The following MAP3K20 variants were observed in gnomAD, a reference collection of about 807,000 sequenced individuals.
The protein encoded by MAP3K20 is mitogen-activated protein kinase kinase kinase 20.
A neutral mutation model predicts 85.7 loss-of-function variants in MAP3K20; 40 were observed. The ratio of observed to expected loss-of-function variants is 0.47; its 90% confidence interval spans 0.36 to 0.61. The LOEUF is 0.61. Ranked by LOEUF, MAP3K20 falls within the 20% of genes least tolerant of loss-of-function variation. The pLI is 0.00. For synonymous variants in MAP3K20, 325 were observed against 327.7 expected, an observed-to-expected ratio of 0.99 and a Z score of 0.09; for missense variants, 817 against 961.7, an observed-to-expected ratio of 0.85 and a Z score of 1.99.
chr2:173,262,354 CT>C (rs1169928073), intron 18 of MAP3K20, among the ~76,000 whole-genome samples: 1 of 152,182 alleles, frequency 6.6e-6, no homozygotes, highest in East Asian at 1.9e-4. Flanking sequence ...AACCCCAGCA[CT>C]TTGGGAGGCC....
Position 173,258,767 on chromosome 2 carries a change from G to A in MAP3K20, c.1428G>A (p.Val476=). ...DEIAITYIKD[V]TFNTNLPDAE... ...TTGCAATAACCTACATAAAAGATGT[G>A]ACATTCAACACTAACCTACCTGATG... The change falls in exon 17 of 20, where the codon GTG becomes GTA. Residue 476 remains valine (V), a synonymous_variant. Coordinates refer to ENST00000375213, the MANE Select transcript of MAP3K20 (RefSeq NM_016653.3). 6.2e-7 allele frequency: 1 copy of A among 1,613,210 alleles called. No individual in the cohort carries two copies. The highest frequency in any genetic ancestry group is 8.5e-7 in the Non-Finnish European group (1 of 1,179,356).
chr2:173,241,303 T>C (rs1048932671), intron 16 of MAP3K20, among the ~76,000 whole-genome samples: 4 of 152,228 alleles, frequency 2.6e-5, no homozygotes, highest in Admixed American at 1.3e-4. Context: ...TTATTACATA[T>C]TATATGCTTG....
intron 2 of MAP3K20, among the ~76,000 whole-genome samples, chr2:173,162,515 A>G (rs1431708604): frequency 6.6e-6 from 1 of 151,950 alleles, no homozygotes; most frequent in Non-Finnish European, 1.5e-5. Context: ...GTGAAACCTC[A>G]TCTGTACTAA....
intron 2 of MAP3K20, among the ~76,000 whole-genome samples, chr2:173,111,278 GTT>G (rs1395690530): frequency 6.6e-6 from 1 of 151,798 alleles, no homozygotes; most frequent in Admixed American, 6.6e-5. Context: ...TTATGGGATT[GTT>G]TTTTTCTTAT....
At position 173,238,435 on chromosome 2, in the gene MAP3K20, G is replaced by C. The variant is rs749417877; in HGVS notation, c.1266G>C (p.Lys422Asn). Residue 422 changes from lysine (K) to asparagine (N), a missense_variant and splice_region_variant, in exon 15 of 20, where the codon AAG (lysine) becomes AAC (asparagine). Transcript: ENST00000375213. The stretch of plus-strand genomic sequence containing the variant: ...TGTTTCACTTCCCACCACTAATTAA[G>C]GTAAGTAAGGTTTTTCTTACCGACA... Reference protein sequence around the residue: ...INLFHFPPLIKDSGGEPEENE... With the variant: ...INLFHFPPLINDSGGEPEENE... The C allele has an allele frequency of 6.2e-7, 1 of 1,610,130 alleles. No homozygotes were observed. The highest frequency in any genetic ancestry group is 1.3e-5 in the African/African-American group (1 of 74,890).
At chr2:173,213,843 ACT>A (rs1238529081) in intron 10 of MAP3K20, among the ~76,000 whole-genome samples, 2 of 152,226 alleles carry the variant, frequency 1.3e-5, no homozygotes, top group Admixed American at 1.3e-4. Flanking sequence ...AAGGTGTCTA[ACT>A]CAATATGTAA....
rs151330985 is a variant in MAP3K20 at position 173,191,422 on chromosome 2, G to A, written c.582+245G>A. On this transcript the variant is annotated intron_variant, in intron 7 of 19. Coordinates refer to ENST00000375213, the MANE Select transcript of MAP3K20 (RefSeq NM_016653.3). ...ACCACTTCCAAGAAACAAATTAAAT[G>A]GAATCCGAGATAGTGTTGGGCTCCG... 3.2e-3 allele frequency among the ~76,000 whole-genome samples: 492 copies of A among 152,276 alleles called. 1 individual carries two copies. Among genetic ancestry groups the A allele is most frequent in the African/African-American group, 0.011 (466 of 41,566 alleles).
chr2:173,119,755 A>G (rs888779392), intron 2 of MAP3K20, among the ~76,000 whole-genome samples: 11 of 152,234 alleles, frequency 7.2e-5, no homozygotes, highest in African/African-American at 2.4e-4. Context: ...GATGAAGGTC[A>G]GCTGCCCTTT....
chr2:173,240,112 T>C lies in MAP3K20; in HGVS notation c.1359+616T>C, dbSNP rs375873425. Among the ~76,000 whole-genome samples the C allele has an allele frequency of 1.9e-3, 294 of 152,336 alleles. 4 individuals are homozygous for C. In the South Asian group the frequency reaches 0.051, roughly 27 times the overall value. ...CACTTATTGTGTACCAGGCATACAG[T>C]ACTGAAGTGTGAAAACTACTTTCCC... On this transcript the variant is annotated intron_variant, in intron 16 of 19. Transcript: ENST00000375213.
At chr2:173,115,332 TC>T (rs888507785) in intron 2 of MAP3K20, among the ~76,000 whole-genome samples, 52 of 152,352 alleles carry the variant, frequency 3.4e-4, no homozygotes, top group African/African-American at 1.2e-3. Flanking sequence ...AGTTTGGACT[TC>T]CTTGCATTGG....
At chr2:173,091,850 A>G (rs1445146009) in intron 2 of MAP3K20, among the ~76,000 whole-genome samples, 1 of 152,202 alleles carries the variant, frequency 6.6e-6, no homozygotes, top group Non-Finnish European at 1.5e-5. Flanking sequence ...ATGAGATATA[A>G]CATGGTTGTC....
intron 16 of MAP3K20, among the ~76,000 whole-genome samples, chr2:173,257,106 G>C (rs1167215582): frequency 6.6e-6 from 1 of 152,190 alleles, no homozygotes; most frequent in Admixed American, 6.5e-5. Flanking sequence ...CAAGACTGCA[G>C]TGAGCAGAGA....
intron 11 of MAP3K20, chr2:173,226,368 T>G (rs1684388790): frequency 1.0e-6 from 1 of 984,846 alleles, no homozygotes; most frequent in South Asian, 4.7e-5. Context: ...ATTGCAGCCT[T>G]TTGAAAGTAG....
intron 2 of MAP3K20, among the ~76,000 whole-genome samples, chr2:173,117,537 C>G (rs1348065287): frequency 6.6e-6 from 1 of 152,200 alleles, no homozygotes; most frequent in African/African-American, 2.4e-5. Context: ...GCCTTGACCT[C>G]CCAAATTGTT....
In MAP3K20 at chr2:173,232,386, G is replaced by GGCT. The variant is rs761939990; in HGVS notation, c.1141_1143dup (p.Leu381dup). ...AAAGAAAACAACATTACAGGGAAGC[G>GGCT]GCTGCTGCTGCTGGAGGAAGAAGAC... On this transcript the variant is annotated inframe_insertion, in exon 14 of 20. Transcript: ENST00000375213. 2 of 1,614,192 alleles carry GGCT rather than the reference G, an allele frequency of 1.2e-6. No homozygotes were observed. The highest frequency in any genetic ancestry group is 8.5e-7 in the Non-Finnish European group (1 of 1,180,018).
chr2:173,253,207 G>A (rs1685081181), intron 16 of MAP3K20, among the ~76,000 whole-genome samples: 1 of 152,126 alleles, frequency 6.6e-6, no homozygotes, highest in Admixed American at 6.5e-5. Flanking sequence ...TTTTATGGCT[G>A]CCAGATGACA....
chr2:173,257,663 A>AAT (rs1685190881), intron 16 of MAP3K20, among the ~76,000 whole-genome samples: 1 of 152,170 alleles, frequency 6.6e-6, no homozygotes, highest in East Asian at 1.9e-4. Context: ...TCTTGGGTAA[A>AAT]TACCTAGGAG....
intron 11 of MAP3K20, 100 bp downstream of exon 11, chr2:173,217,350 CT>C (rs869286432): frequency 7.5e-6 from 9 of 1,202,558 alleles, no homozygotes; most frequent in Non-Finnish European, 9.3e-6. Context: ...CCGCCGCCCC[CT>C]CCTCATTTCC....
At chr2:173,253,757 A>G (rs1685094046) in intron 16 of MAP3K20, among the ~76,000 whole-genome samples, 1 of 152,146 alleles carries the variant, frequency 6.6e-6, no homozygotes, top group Non-Finnish European at 1.5e-5. Flanking sequence ...TCTATCACTC[A>G]CCTCAAGCTA....
Sources: allele counts gnomAD v4.1 joint callset (sites outside exome capture counted in the v4.1 genomes callset), GRCh38; gene constraint gnomAD v4.1.1; transcripts MANE v1.5; gene names NCBI Gene and HGNC (gene_info 2026-07-23, HGNC 2026-07-21).